The following RMDN2 variants were observed in gnomAD, a reference collection of about 807,000 sequenced individuals.
RMDN2 encodes regulator of microtubule dynamics 2.
Under a neutral mutation model 52.8 loss-of-function variants are expected in RMDN2, and 61 were observed. The observed-to-expected ratio is 1.16, with a 90% CI of 0.94 to 1.43. RMDN2 has a LOEUF of 1.43. Among genes scored for constraint, RMDN2 ranks in the 40% most tolerant of loss-of-function variants. The pLI is 0.00. For missense variants in RMDN2, 592 were observed against 475.3 expected (o/e 1.25, Z -2.28); for synonymous variants, 180 against 153.1 (o/e 1.18, Z -1.30).
intron 5 of RMDN2, among the ~76,000 whole-genome samples, chr2:37,982,964 G>C (rs1334494806): frequency 6.6e-6 from 1 of 152,058 alleles, no homozygotes; most frequent in Non-Finnish European, 1.5e-5. Context: ...GAACTGGTTA[G>C]CCTAATTAGG....
At chr2:38,022,669 C>T (rs535133564), downstream of RMDN2, among the ~76,000 whole-genome samples, 1 of 152,252 alleles carries the variant, frequency 6.6e-6, no homozygotes, top group East Asian at 1.9e-4. Flanking sequence ...CATGTAATTG[C>T]GATGTTATCT....
chr2:38,066,789 A>G (rs1044316132), intron 10 of RMDN2: 4 of 566,862 alleles, frequency 7.1e-6, no homozygotes, highest in African/African-American at 5.6e-5. Context: ...TCCCATGAAA[A>G]TATTTCCTTC....
chr2:37,974,809 T>C (rs952541715), intron 3 of RMDN2: 1 of 174,384 alleles, frequency 5.7e-6, no homozygotes, highest in Non-Finnish European at 1.2e-5. Flanking sequence ...AAGTGACTGC[T>C]CTTTTGAGTA....
At chr2:37,981,437 A>G (rs949242786) in intron 5 of RMDN2, 94 bp downstream of exon 5, 13 of 785,282 alleles carry the variant, frequency 1.7e-5, no homozygotes, top group Non-Finnish European at 2.4e-5. Flanking sequence ...TCATACGTTT[A>G]ATCTGTCAGT....
chr2:38,018,812 C>T (rs1027503676), downstream of RMDN2, among the ~76,000 whole-genome samples: 1 of 152,176 alleles, frequency 6.6e-6, no homozygotes, highest in African/African-American at 2.4e-5. Context: ...TCTTAATCAG[C>T]CTCATCTTGG....
rs574845381 is a variant in RMDN2 at position 37,932,061 on chromosome 2, T to TTTTA, written c.452+2344_452+2347dup. Among the ~76,000 whole-genome samples, 415 of 152,182 alleles carry TTTTA rather than the reference T, an allele frequency of 2.7e-3. 9 individuals are homozygous for TTTTA. Among genetic ancestry groups the TTTTA allele is most frequent in the Admixed American group, 0.021 (315 of 15,296 alleles). The stretch of plus-strand genomic sequence containing the variant: ...TACAAAAAATTTATTTATTTATTTA[T>TTTTA]TTTATTTATTTATTTTTTTAATTGA... On this transcript the variant is annotated intron_variant, in intron 2 of 10. Transcript: ENST00000354545.
intron 7 of RMDN2, 30 bp from the exon 8 acceptor site, chr2:37,997,382 ACTTT>A (rs1675699567): frequency 7.2e-7 from 1 of 1,384,244 alleles, no homozygotes; most frequent in African/African-American, 1.4e-5. Flanking sequence ...AAGGTGAACA[ACTTT>A]CTAAGAGTGA....
At chr2:38,044,203 C>A (rs1220562069) in intron 10 of RMDN2, among the ~76,000 whole-genome samples, 1 of 151,936 alleles carries the variant, frequency 6.6e-6, no homozygotes, top group Non-Finnish European at 1.5e-5. Context: ...TTTCTTTCAA[C>A]ACTAAATATT....
At chr2:37,985,713 G>T (rs963014685) in intron 5 of RMDN2, among the ~76,000 whole-genome samples, 1 of 151,994 alleles carries the variant, frequency 6.6e-6, no homozygotes. Flanking sequence ...GTATATGATG[G>T]ATCACAACAG....
intron 10 of RMDN2, among the ~76,000 whole-genome samples, chr2:38,007,330 G>C (rs946573981): frequency 6.6e-6 from 1 of 152,094 alleles, no homozygotes; most frequent in Non-Finnish European, 1.5e-5. Flanking sequence ...GAATCCATCT[G>C]GTCCTGGACT....
Position 38,029,211 on chromosome 2 carries a change from C to T in RMDN2, c.1713+24995C>T, listed in dbSNP as rs980671915. ...CCCAACTGCACACACACACTGTCTA[C>T]ATTCCAGGCACACGGGATTGAGTGC... On this transcript the variant is annotated intron_variant, in intron 10 of 10. Transcript: ENST00000234195. 1.1e-4 allele frequency: 16 copies of T among 152,286 alleles called. 1 individual carries two copies. The highest frequency in any genetic ancestry group is 4.8e-5 in the African/African-American group (2 of 41,418). 9.4% of individuals were successfully genotyped at this position (152,286 alleles called of 1,614,324 possible). A position where few individuals can be genotyped will look rare whatever the true frequency, so the allele number is the denominator to read the frequency against.
At chr2:38,056,825 G>C (rs1681870937) in intron 10 of RMDN2, among the ~76,000 whole-genome samples, 1 of 152,128 alleles carries the variant, frequency 6.6e-6, no homozygotes, top group Non-Finnish European at 1.5e-5. Flanking sequence ...GCTTTTTTCA[G>C]TTTTGTTTTA....
chr2:37,947,650 A>G (rs1344662892), intron 2 of RMDN2, among the ~76,000 whole-genome samples: 1 of 152,220 alleles, frequency 6.6e-6, no homozygotes, highest in African/African-American at 2.4e-5. Context: ...TATAAAAACA[A>G]CTAAATTAAT....
At chr2:37,981,232 C>T in intron 4 of RMDN2, 51 bp from the exon 5 acceptor site, 1 of 1,092,512 alleles carries the variant, frequency 9.2e-7, no homozygotes, top group Non-Finnish European at 1.4e-6. Context: ...AATAATCCAC[C>T]TCCTACCAAC....
chr2:38,055,285 C>G (rs1193439831), intron 10 of RMDN2, among the ~76,000 whole-genome samples: 1 of 151,940 alleles, frequency 6.6e-6, no homozygotes, highest in African/African-American at 2.4e-5. Flanking sequence ...TCCTGTGCAA[C>G]CCACCCCAGG....
chr2:37,992,948 T>C (rs1271202309), intron 7 of RMDN2, among the ~76,000 whole-genome samples: 2 of 152,112 alleles, frequency 1.3e-5, no homozygotes, highest in South Asian at 2.1e-4. Context: ...CAAGTCTCGC[T>C]CTGGCACCCA....
At chr2:37,948,461 G>T (rs1428098261) in intron 2 of RMDN2, among the ~76,000 whole-genome samples, 2 of 152,008 alleles carry the variant, frequency 1.3e-5, no homozygotes, top group African/African-American at 4.8e-5. Context: ...GTGGCCATAG[G>T]GCATGATAAA....
At chr2:37,967,165 A>ATTAAT (rs1671163019) in intron 2 of RMDN2, among the ~76,000 whole-genome samples, 1 of 152,166 alleles carries the variant, frequency 6.6e-6, no homozygotes, top group Admixed American at 6.6e-5. Flanking sequence ...CCTCTAATTG[A>ATTAAT]AGAAAACCAA....
chr2:37,981,838 T>A (rs1339184770), intron 5 of RMDN2, among the ~76,000 whole-genome samples: 1 of 151,868 alleles, frequency 6.6e-6, no homozygotes, highest in Non-Finnish European at 1.5e-5. Flanking sequence ...AAAAAAAAAA[T>A]CATTCTTAAT....
Sources: allele counts gnomAD v4.1 joint callset (sites outside exome capture counted in the v4.1 genomes callset), GRCh38; gene constraint gnomAD v4.1.1; transcripts MANE v1.5; gene names NCBI Gene and HGNC (gene_info 2026-07-23, HGNC 2026-07-21).